RABGAP1L: variants seen among roughly 807,000 people sequenced by gnomAD.
RABGAP1L encodes RAB GTPase activating protein 1 like.
Under a neutral mutation model 137.7 loss-of-function variants are expected in RABGAP1L, and 63 were observed. The observed-to-expected ratio is 0.46, with a 90% CI of 0.37 to 0.56. RABGAP1L has a LOEUF of 0.56. Among genes scored for constraint, RABGAP1L ranks in the 20% least tolerant of loss-of-function variants. The probability of loss-of-function intolerance (pLI) is 0.00; values close to 1 mark genes in which losing one functional copy is unlikely to be tolerated. For missense variants in RABGAP1L, 1,095 were observed against 1,244.0 expected, an observed-to-expected ratio of 0.88 and a Z score of 1.80; for synonymous variants, 431 against 433.7, an observed-to-expected ratio of 0.99 and a Z score of 0.08.
rs550180932 is a variant in RABGAP1L at position 174,220,017 on chromosome 1, A to T, written c.138+722A>T. 2.0e-5 allele frequency among the ~76,000 whole-genome samples: 3 copies of T among 152,324 alleles called. No homozygotes were observed. In the East Asian group the frequency reaches 5.8e-4, roughly 29 times the overall value. ...CTGAAAATGAGATTACTAAATGTTTATGTTGAGAATATATTGTTTTATAAT... is the reference window on the plus strand; with the variant it reads ...CTGAAAATGAGATTACTAAATGTTTTTGTTGAGAATATATTGTTTTATAAT... On this transcript the variant is annotated intron_variant, in intron 2 of 25. Transcript: ENST00000681986.
intron 13 of RABGAP1L, among the ~76,000 whole-genome samples, chr1:174,417,397 G>A (rs970394990): frequency 6.6e-6 from 1 of 152,172 alleles, no homozygotes; most frequent in Non-Finnish European, 1.5e-5. Context: ...GGCACGCTTA[G>A]CCAGGGAAAA....
At chr1:174,934,084 T>TTTG (rs534054301) in intron 19 of RABGAP1L, among the ~76,000 whole-genome samples, 8 of 152,150 alleles carry the variant, frequency 5.3e-5, no homozygotes, top group East Asian at 1.9e-4. Flanking sequence ...TTTTTGTTTT[T>TTTG]TTGTTGTTGT....
intron 13 of RABGAP1L, among the ~76,000 whole-genome samples, chr1:174,482,061 G>A (rs1035948101): frequency 1.3e-5 from 2 of 152,106 alleles, no homozygotes; most frequent in African/African-American, 4.8e-5. Context: ...AATAAAAGAG[G>A]GAGTCAGAAG....
chr1:174,923,891 A>G (rs1378192211), intron 19 of RABGAP1L, among the ~76,000 whole-genome samples: 3 of 151,876 alleles, frequency 2.0e-5, no homozygotes, highest in South Asian at 4.1e-4. Context: ...AAAAAAAAAA[A>G]AAAAGAAAAA....
At chr1:174,576,240 A>C (rs1030337212) in intron 13 of RABGAP1L, among the ~76,000 whole-genome samples, 3 of 152,210 alleles carry the variant, frequency 2.0e-5, no homozygotes, top group African/African-American at 7.2e-5. Context: ...AAAGAGGCCT[A>C]GAAGAGCCAT....
intron 13 of RABGAP1L, among the ~76,000 whole-genome samples, chr1:174,601,222 GC>G (rs1281386610): frequency 6.6e-6 from 1 of 152,196 alleles, no homozygotes; most frequent in East Asian, 1.9e-4. Context: ...CCTGGGCCCA[GC>G]CCACAAAACT....
intron 1 of RABGAP1L, among the ~76,000 whole-genome samples, chr1:174,209,410 C>T (rs998098193): frequency 2.0e-5 from 3 of 152,116 alleles, no homozygotes; most frequent in African/African-American, 7.2e-5. Context: ...TCACCAGAAA[C>T]TGACTGAAGA....
At chr1:174,447,671 T>C (rs1654918078) in intron 13 of RABGAP1L, among the ~76,000 whole-genome samples, 1 of 152,208 alleles carries the variant, frequency 6.6e-6, no homozygotes, top group Admixed American at 6.5e-5. Flanking sequence ...AGAAACTGCC[T>C]CTCTTAGGAG....
chr1:174,481,893 GAAAA>G (rs554061082), intron 13 of RABGAP1L, among the ~76,000 whole-genome samples: 2 of 132,278 alleles, frequency 1.5e-5, no homozygotes, highest in Non-Finnish European at 1.7e-5. Context: ...AAAAAAAAAA[GAAAA>G]AAAAAGAAAA....
At chr1:174,612,253 T>G (rs1445879408) in intron 13 of RABGAP1L, among the ~76,000 whole-genome samples, 1 of 152,156 alleles carries the variant, frequency 6.6e-6, no homozygotes, top group Admixed American at 6.5e-5. Flanking sequence ...TTATTGAGAG[T>G]TTTTAGCATG....
chr1:174,348,601 T>G (rs1335397703), intron 11 of RABGAP1L, among the ~76,000 whole-genome samples: 2 of 145,280 alleles, frequency 1.4e-5, no homozygotes, highest in African/African-American at 5.1e-5. Context: ...CAGAGGACCC[T>G]GCGGCCTTCC....
At chr1:174,835,051 G>T (rs1285447032) in intron 19 of RABGAP1L, among the ~76,000 whole-genome samples, 1 of 152,144 alleles carries the variant, frequency 6.6e-6, no homozygotes, top group East Asian at 1.9e-4. Flanking sequence ...GAAACTGGAA[G>T]AAATGAATGG....
intron 11 of RABGAP1L, among the ~76,000 whole-genome samples, chr1:174,351,145 A>C (rs1411570877): frequency 6.8e-6 from 1 of 147,846 alleles, no homozygotes; most frequent in African/African-American, 2.5e-5. Context: ...AACTCTTGAA[A>C]AGTTGTAGTT....
intron 14 of RABGAP1L, among the ~76,000 whole-genome samples, chr1:174,645,872 G>GT (rs1674927730): frequency 6.6e-6 from 1 of 152,096 alleles, no homozygotes; most frequent in African/African-American, 2.4e-5. Context: ...AGCATCTGTT[G>GT]TTTCCTGACT....
At chr1:174,720,600 G>A (rs1010166570) in intron 17 of RABGAP1L, among the ~76,000 whole-genome samples, 1 of 152,106 alleles carries the variant, frequency 6.6e-6, no homozygotes, top group African/African-American at 2.4e-5. Context: ...ACAGGCTTGA[G>A]CCACCGGTCC....
chr1:174,599,723 G>A (rs1344696018), intron 13 of RABGAP1L, among the ~76,000 whole-genome samples: 1 of 151,944 alleles, frequency 6.6e-6, no homozygotes, highest in Non-Finnish European at 1.5e-5. Context: ...TATGTTATTT[G>A]TTTCTTTTCT....
rs552582815 is a variant in RABGAP1L, at chr1:174,700,155, G to A, written c.2025+505G>A. ...ATGTTGTTGTTGTGCTTTACAATGC[G>A]TATTTATAAATGTGTGTGAGAAACA... On this transcript the variant is annotated intron_variant, in intron 16 of 25. Coordinates refer to ENST00000681986, the MANE Select transcript of RABGAP1L (RefSeq NM_001366446.1). Among the ~76,000 whole-genome samples the A allele has an allele frequency of 5.3e-5, 8 of 152,196 alleles. No homozygotes were observed. The South Asian group carries it at 8.3e-4, about 16-fold the overall frequency.
chr1:174,672,288 T>C (rs1315645600), intron 14 of RABGAP1L, among the ~76,000 whole-genome samples: 1 of 149,036 alleles, frequency 6.7e-6, no homozygotes, highest in African/African-American at 2.5e-5. Flanking sequence ...TTTCTTTTTT[T>C]TTTTTTTTTT....
chr1:174,943,520 A>G (rs1421750092), intron 19 of RABGAP1L, among the ~76,000 whole-genome samples: 2 of 152,148 alleles, frequency 1.3e-5, no homozygotes, highest in African/African-American at 4.8e-5. Flanking sequence ...GTATTTATTT[A>G]TATTGTGATT....
Sources: gnomAD v4.1 joint callset for allele counts (sites outside exome capture counted in the v4.1 genomes callset) on GRCh38, gnomAD v4.1.1 for gene constraint, MANE v1.5 for transcripts, NCBI Gene and HGNC (gene_info 2026-07-23, HGNC 2026-07-21) for gene names.